ZHX2: variants seen among roughly 807,000 people sequenced by gnomAD.
ZHX2 encodes zinc fingers and homeoboxes protein 2.
ZHX2 carries 6 observed loss-of-function variants against 21.9 expected under a neutral mutation model. The observed-to-expected ratio is 0.27, with a 90% CI of 0.15 to 0.54. The LOEUF (loss-of-function observed/expected upper bound fraction) is 0.54. Ranked by LOEUF, ZHX2 falls within the 20% of genes least tolerant of loss-of-function variation. The probability of loss-of-function intolerance (pLI) is 0.95; values close to 1 mark genes in which losing one functional copy is unlikely to be tolerated. For missense variants in ZHX2, 908 were observed against 1,090.7 expected, an observed-to-expected ratio of 0.83 and a Z score of 2.36; for synonymous variants, 434 against 437.1, an observed-to-expected ratio of 0.99 and a Z score of 0.09.
chr8:122,781,702 CCTTT>C lies in ZHX2; in HGVS notation c.-526_-523del, dbSNP rs1817287831. 1 of 152,282 alleles carries C rather than the reference CCTTT, an allele frequency of 6.6e-6. No individual in the cohort carries two copies. The highest frequency in any genetic ancestry group is 1.5e-5 in the Non-Finnish European group (1 of 67,982). The allele number at this position is 152,282 out of a possible 1,614,324, so 9.4% of individuals were successfully genotyped here. The stretch of plus-strand genomic sequence containing the variant: ...CCCACTGATCGAGGCATTTTTTTTC[CCTTT>C]TTTTTTCCTTTTTTTTTTTCTTTTA... On this transcript the variant is annotated 5_prime_UTR_variant, in exon 1 of 4. Coordinates refer to ENST00000314393, the MANE Select transcript of ZHX2 (RefSeq NM_014943.5). This position sits in a 1 kb window ranked among gnomAD's most constrained non-coding sequence, Gnocchi z 4.6.
intron 1 of ZHX2, among the ~76,000 whole-genome samples, chr8:122,860,099 G>A (rs1819125467): frequency 6.6e-6 from 1 of 152,196 alleles, no homozygotes; most frequent in African/African-American, 2.4e-5. Flanking sequence ...TACAATCATG[G>A]TGGAAGGGGA....
At chr8:122,812,025 TA>T (rs1470963772) in intron 1 of ZHX2, 1 of 152,096 alleles carries the variant, frequency 6.6e-6, no homozygotes, top group African/African-American at 2.4e-5. Context: ...TCATGATAAG[TA>T]AGGAAATCAT....
intron 1 of ZHX2, among the ~76,000 whole-genome samples, chr8:122,801,891 G>C (rs1248952876): frequency 6.6e-6 from 1 of 152,144 alleles, no homozygotes; most frequent in Non-Finnish European, 1.5e-5. Flanking sequence ...ACTTTTCTAC[G>C]ATTCTGGAAT....
intron 2 of ZHX2, among the ~76,000 whole-genome samples, chr8:122,912,415 G>A (rs1435889597): frequency 6.6e-6 from 1 of 152,208 alleles, no homozygotes; most frequent in Non-Finnish European, 1.5e-5. Flanking sequence ...CATGTAGGCT[G>A]CTCTATGTGA....
chr8:122,824,945 G>A (rs1448767294), intron 1 of ZHX2, among the ~76,000 whole-genome samples: 1 of 152,166 alleles, frequency 6.6e-6, no homozygotes, highest in Non-Finnish European at 1.5e-5. Flanking sequence ...GCCAGCAGTG[G>A]TCAGTTGAGT....
chr8:122,969,150 G>C (rs1172659131), intron 3 of ZHX2, among the ~76,000 whole-genome samples: 1 of 151,602 alleles, frequency 6.6e-6, no homozygotes, highest in Non-Finnish European at 1.5e-5. Flanking sequence ...GACAGAGCAA[G>C]ACTCTGTCTC....
Position 122,828,640 on chromosome 8 carries a change from G to A in ZHX2, c.-282-34837G>A, listed in dbSNP as rs932075978. Among the ~76,000 whole-genome samples, 9 of 152,188 alleles carry A rather than the reference G, an allele frequency of 5.9e-5. No homozygotes were observed. The highest frequency in any genetic ancestry group is 1.7e-4 in the African/African-American group (7 of 41,462). On this transcript the variant is annotated intron_variant, in intron 1 of 3. Coordinates refer to ENST00000314393, the MANE Select transcript of ZHX2 (RefSeq NM_014943.5). This position sits in a 1 kb window ranked among gnomAD's most constrained non-coding sequence, Gnocchi z 5.2. ...CATGGGCTGTGGGGGATGTGCTGGC[G>A]GCAGCCCTGGTGGCCATGGGCACTG...
chr8:122,822,209 C>A (rs773752320), intron 1 of ZHX2, among the ~76,000 whole-genome samples: 1 of 152,138 alleles, frequency 6.6e-6, no homozygotes, highest in South Asian at 2.1e-4. Context: ...ACTTACCCCA[C>A]GATTTTAGTG....
chr8:122,798,669 G>C (rs1817659155), intron 1 of ZHX2, among the ~76,000 whole-genome samples: 1 of 152,084 alleles, frequency 6.6e-6, no homozygotes, highest in South Asian at 2.1e-4. Context: ...TCTAGTCCCA[G>C]CTACTCGGGA....
At chr8:122,956,509 A>T (rs1160227769) in intron 3 of ZHX2, among the ~76,000 whole-genome samples, 1 of 152,052 alleles carries the variant, frequency 6.6e-6, no homozygotes, top group Non-Finnish European at 1.5e-5. Flanking sequence ...GACTCAGGGG[A>T]TGAGAAGGAG....
At chr8:122,924,669 C>G (rs1820811015) in intron 2 of ZHX2, among the ~76,000 whole-genome samples, 1 of 152,154 alleles carries the variant, frequency 6.6e-6, no homozygotes, top group Non-Finnish European at 1.5e-5. Flanking sequence ...GGGCAATAGT[C>G]TCAGTGCCCA....
At chr8:122,921,118 C>T (rs183167873) in intron 2 of ZHX2, among the ~76,000 whole-genome samples, 5 of 152,076 alleles carry the variant, frequency 3.3e-5, no homozygotes, top group South Asian at 2.1e-4. Flanking sequence ...CTCACTCTGT[C>T]GCCCAGGCTG....
At chr8:122,882,056 A>T (rs1819726182) in intron 2 of ZHX2, among the ~76,000 whole-genome samples, 1 of 152,082 alleles carries the variant, frequency 6.6e-6, no homozygotes, top group African/African-American at 2.4e-5. Context: ...CCCTCCTCGA[A>T]AAAGAGGGCT....
At chr8:122,871,766 G>A (rs1271777888) in intron 2 of ZHX2, among the ~76,000 whole-genome samples, 1 of 150,962 alleles carries the variant, frequency 6.6e-6, no homozygotes, top group Non-Finnish European at 1.5e-5. Context: ...GGTACAGAGG[G>A]AGTGCTCCTA....
intron 1 of ZHX2, among the ~76,000 whole-genome samples, chr8:122,789,742 A>T (rs1010651167): frequency 3.9e-5 from 6 of 152,244 alleles, no homozygotes; most frequent in African/African-American, 1.4e-4. Context: ...GATGGGTTCC[A>T]GGCAGGAGAG....
At chr8:122,914,817 A>C (rs1311817269) in intron 2 of ZHX2, among the ~76,000 whole-genome samples, 1 of 152,094 alleles carries the variant, frequency 6.6e-6, no homozygotes, top group African/African-American at 2.4e-5. Flanking sequence ...TCTGTAATTG[A>C]GTCGTTCCTA....
intron 2 of ZHX2, among the ~76,000 whole-genome samples, chr8:122,930,484 C>T (rs1451803243): frequency 1.3e-5 from 2 of 151,862 alleles, no homozygotes; most frequent in East Asian, 1.9e-4. Flanking sequence ...ATTTTGCCTC[C>T]GTGGTGAAGG....
rs373028721 is a variant in ZHX2 at position 122,798,575 on chromosome 8, T to A, written c.-283+16629T>A. 9.9e-5 allele frequency among the ~76,000 whole-genome samples: 15 copies of A among 152,198 alleles called. No homozygotes were observed. The East Asian group carries it at 2.9e-3, about 29-fold the overall frequency. ...TGGGAGGGTGAGGCCGACAGATCAC[T>A]GGAGGTCAAGAGTTCAAGACCATCC... is the stretch of plus-strand genomic sequence containing the variant. On this transcript the variant is annotated intron_variant, in intron 1 of 3. Transcript: ENST00000314393.
At chr8:122,931,132 A>C (rs866387662) in intron 2 of ZHX2, among the ~76,000 whole-genome samples, 1 of 152,142 alleles carries the variant, frequency 6.6e-6, no homozygotes, top group African/African-American at 2.4e-5. Context: ...GCTGAACACC[A>C]TCAGGTCCAG....
Sources: allele counts gnomAD v4.1 joint callset (sites outside exome capture counted in the v4.1 genomes callset), GRCh38; gene constraint gnomAD v4.1.1; non-coding constraint Gnocchi (gnomAD v3.1); transcripts MANE v1.5; gene names NCBI Gene and HGNC (gene_info 2026-07-23, HGNC 2026-07-21).